The following SH3D19 variants were observed in gnomAD, a reference collection of about 807,000 sequenced individuals.
SH3D19 encodes the protein SH3 domain-containing protein 19.
In SH3D19, 58 loss-of-function variants were observed where a neutral mutation model predicts 112.1. The ratio of observed to expected loss-of-function variants is 0.52; its 90% confidence interval spans 0.42 to 0.64. The LOEUF is 0.64. SH3D19 is among the 30% of genes least tolerant of loss of function. The pLI is 0.00. For missense variants in SH3D19, 1,090 were observed against 1,263.4 expected, an observed-to-expected ratio of 0.86 and a Z score of 2.08; for synonymous variants, 391 against 448.5, an observed-to-expected ratio of 0.87 and a Z score of 1.62.
chr4:151,281,072 A>G (rs1306776543), intron 1 of SH3D19, among the ~76,000 whole-genome samples: 5 of 152,180 alleles, frequency 3.3e-5, no homozygotes, highest in Non-Finnish European at 1.5e-5. Context: ...ACAGAAGAGA[A>G]TCCCTAAGAA....
chr4:151,254,495 T>C (rs1372074679), intron 1 of SH3D19, among the ~76,000 whole-genome samples: 1 of 134,096 alleles, frequency 7.5e-6, no homozygotes, highest in Non-Finnish European at 1.7e-5. Context: ...TGTCCCTGGG[T>C]ACTTGAGATT....
In SH3D19 at chr4:151,175,594, T is replaced by C. The variant is rs1005396568; in HGVS notation, c.610A>G (p.Ile204Val). The change falls in exon 7 of 20, where the codon ATC (isoleucine) becomes GTC (valine). Residue 204 changes from isoleucine (I) to valine (V), a missense_variant. Physicochemically the swap from Ile to Val is conservative, Grantham distance 29. Coordinates refer to ENST00000604030, the MANE Select transcript of SH3D19 (RefSeq NM_001378122.1). ...GGTTCTTCAGAAATATCAAAGACGATTAAAGGTGCCACATTTGTTGGAAGA... is the reference window on the plus strand; with the variant it reads ...GGTTCTTCAGAAATATCAAAGACGACTAAAGGTGCCACATTTGTTGGAAGA... ...GNLPTNVAPL[I>V]VFDISEEPNC... is the part of the protein sequence containing the mutation. 14 of 1,330,180 alleles carry C rather than the reference T, an allele frequency of 1.1e-5. No individual in the cohort carries two copies. Among genetic ancestry groups the C allele is most frequent in the Non-Finnish European group, 1.3e-5 (14 of 1,047,636 alleles). The allele number at this position is 1,330,180 out of a possible 1,614,324, so 82.4% of individuals were successfully genotyped here. A position where few individuals can be genotyped will look rare whatever the true frequency, so the allele number is the denominator to read the frequency against.
chr4:151,242,028 C>T (rs780269901), intron 1 of SH3D19, among the ~76,000 whole-genome samples: 33 of 151,306 alleles, frequency 2.2e-4, no homozygotes, highest in Non-Finnish European at 4.1e-4. Context: ...CCTGTCTCTA[C>T]AAAAAACAAA....
At chr4:151,282,478 T>A (rs550679535) in intron 1 of SH3D19, 1 of 1,540,502 alleles carries the variant, frequency 6.5e-7, no homozygotes, top group African/African-American at 1.4e-5. Flanking sequence ...AACATTCATA[T>A]TCTAGGCATA....
intron 2 of SH3D19, among the ~76,000 whole-genome samples, chr4:151,196,535 A>G (rs1467982624): frequency 2.0e-5 from 3 of 152,154 alleles, no homozygotes; most frequent in African/African-American, 7.2e-5. Context: ...GCTTATCACT[A>G]CCTAGAAAAA....
At chr4:151,151,302 C>CTTTTCCTA (rs1755028317) in intron 9 of SH3D19, among the ~76,000 whole-genome samples, 1 of 152,048 alleles carries the variant, frequency 6.6e-6, no homozygotes, top group Admixed American at 6.6e-5. Flanking sequence ...TTGTTTTCCA[C>CTTTTCCTA]TTTTCCTACT....
intron 1 of SH3D19, chr4:151,279,938 A>C: frequency 4.3e-6 from 7 of 1,613,532 alleles, no homozygotes; most frequent in Non-Finnish European, 5.9e-6. Flanking sequence ...TGATACTGAC[A>C]GCAGCACACT....
chr4:151,198,155 A>G (rs912796218), intron 2 of SH3D19, among the ~76,000 whole-genome samples: 1 of 151,370 alleles, frequency 6.6e-6, no homozygotes, highest in Non-Finnish European at 1.5e-5. Flanking sequence ...AATACAAAAA[A>G]TAAGCCAGGC....
intron 1 of SH3D19, among the ~76,000 whole-genome samples, chr4:151,272,270 G>A (rs1383347662): frequency 6.6e-6 from 1 of 152,110 alleles, no homozygotes; most frequent in East Asian, 1.9e-4. Context: ...GCACCTTCAT[G>A]GTACAATGGG....
chr4:151,187,455 G>A lies in SH3D19; in HGVS notation c.161C>T (p.Pro54Leu). Residue 54 changes from proline (P) to leucine (L), a missense_variant, in exon 3 of 20, where the codon CCC becomes CTC. By Grantham distance (98) the Pro-to-Leu change is moderately conservative (BLOSUM62 -3). Coordinates refer to ENST00000604030, the MANE Select transcript of SH3D19 (RefSeq NM_001378122.1). ...KPEHRSSSQGPLSSIRAVIKR... is the reference protein window; with the variant it reads ...KPEHRSSSQGLLSSIRAVIKR... Reference sequence around the variant, plus strand: ...GATTACCGCTCTAATGGATGACAAGGGTCCTTGGCTAGAAAAAGAAAGAAA... The same window carrying A: ...GATTACCGCTCTAATGGATGACAAGAGTCCTTGGCTAGAAAAAGAAAGAAA... 1 of 1,229,632 alleles carries A rather than the reference G, an allele frequency of 8.1e-7. No individual in the cohort carries two copies. Among genetic ancestry groups the A allele is most frequent in the Non-Finnish European group, 1.0e-6 (1 of 985,842 alleles). The allele number at this position is 1,229,632 out of a possible 1,614,324, so 76.2% of individuals were successfully genotyped here.
intron 14 of SH3D19, among the ~76,000 whole-genome samples, chr4:151,135,640 G>A (rs1222159783): frequency 6.6e-6 from 1 of 151,842 alleles, no homozygotes; most frequent in Non-Finnish European, 1.5e-5. Context: ...TGTTGCCTGG[G>A]CTGGTCTTGA....
rs2149775616 is a variant in SH3D19, at chr4:151,147,980, T to C, written c.2024A>G (p.Gln675Arg). The C allele has an allele frequency of 6.2e-7, 1 of 1,614,138 alleles. No homozygotes were observed. The highest frequency in any genetic ancestry group is 8.5e-7 in the Non-Finnish European group (1 of 1,180,022). Residue 675 changes from glutamine to arginine, a missense_variant, in exon 11 of 20, where the codon CAA becomes CGA. Coordinates refer to ENST00000604030, the MANE Select transcript of SH3D19 (RefSeq NM_001378122.1). ...SKAKSQVFKNQDPVLPPRPKP... is the reference protein window; with the variant it reads ...SKAKSQVFKNRDPVLPPRPKP... The stretch of plus-strand genomic sequence containing the variant: ...GGGACGAGGGGGTAGCACCGGATCT[T>C]GATTTTTAAAAACTTGACTCTTGGC...
chr4:151,314,585 CT>C (rs1354697688), intron 1 of SH3D19, among the ~76,000 whole-genome samples: 11 of 152,160 alleles, frequency 7.2e-5, no homozygotes, highest in African/African-American at 2.7e-4. Context: ...TGTATTACAG[CT>C]TGGTGGTAAG....
intron 2 of SH3D19, among the ~76,000 whole-genome samples, chr4:151,209,625 C>G (rs1188385255): frequency 6.6e-6 from 1 of 152,176 alleles, no homozygotes; most frequent in Non-Finnish European, 1.5e-5. Flanking sequence ...CCTAGAAAGC[C>G]TCCAAACTTG....
intron 1 of SH3D19, among the ~76,000 whole-genome samples, chr4:151,230,209 C>T (rs533568736): frequency 6.6e-6 from 1 of 152,272 alleles, no homozygotes; most frequent in South Asian, 2.1e-4. Flanking sequence ...AGAAATGGGC[C>T]CCTGTTCTGG....
chr4:151,232,468 C>T (rs563729000), intron 1 of SH3D19, among the ~76,000 whole-genome samples: 1 of 152,276 alleles, frequency 6.6e-6, no homozygotes, highest in African/African-American at 2.4e-5. Flanking sequence ...TTAAGCATAC[C>T]ACAAATGTCA....
At chr4:151,139,149 C>A (rs911831972) in intron 13 of SH3D19, among the ~76,000 whole-genome samples, 4 of 150,860 alleles carry the variant, frequency 2.7e-5, no homozygotes, top group East Asian at 2.0e-4. Flanking sequence ...AATTAGTACC[C>A]ACTATTTTTT....
At chr4:151,253,116 T>C (rs1339386019) in intron 1 of SH3D19, among the ~76,000 whole-genome samples, 1 of 152,186 alleles carries the variant, frequency 6.6e-6, no homozygotes, top group African/African-American at 2.4e-5. Context: ...CTACTAAGAA[T>C]AAAAACCGAA....
Position 151,121,277 on chromosome 4 carries a change from A to G in SH3D19, c.*814T>C, listed in dbSNP as rs1747941650. ...AGAAAATGAATTTTCCTTTGGGTCC[A>G]GTAATTGTCAAAGGAATGATTGCAG... On this transcript the variant is annotated 3_prime_UTR_variant, in exon 20 of 20. Transcript: ENST00000604030. The G allele has an allele frequency of 6.6e-6, 1 of 152,662 alleles. No homozygotes were observed. The highest frequency in any genetic ancestry group is 1.5e-5 in the Non-Finnish European group (1 of 68,048). 9.5% of individuals were successfully genotyped at this position (152,662 alleles called of 1,614,324 possible). A position where few individuals can be genotyped will look rare whatever the true frequency, so the allele number is the denominator to read the frequency against.
Sources: gnomAD v4.1 joint callset for allele counts (sites outside exome capture counted in the v4.1 genomes callset) on GRCh38, gnomAD v4.1.1 for gene constraint, MANE v1.5 for transcripts, NCBI Gene and HGNC (gene_info 2026-07-23, HGNC 2026-07-21) for gene names.